The following SUSD5 variants were observed in gnomAD, a reference collection of about 807,000 sequenced individuals.
The protein encoded by SUSD5 is sushi domain-containing protein 5.
SUSD5 carries 33 observed loss-of-function variants against 29.5 expected under a neutral mutation model. That is an observed-to-expected ratio of 1.12 (90% CI 0.85 to 1.49). SUSD5 has a LOEUF of 1.49. Among genes scored for constraint, SUSD5 ranks in the 40% most tolerant of loss-of-function variants. The pLI, the probability that SUSD5 is intolerant of heterozygous loss-of-function variation, is 0.00. For missense variants in SUSD5, 776 were observed against 800.6 expected, an observed-to-expected ratio of 0.97 and a Z score of 0.37; for synonymous variants, 308 against 325.3, an observed-to-expected ratio of 0.95 and a Z score of 0.57.
chr3:33,192,132 G>A (rs2031905619), intron 3 of SUSD5, among the ~76,000 whole-genome samples: 1 of 151,188 alleles, frequency 6.6e-6, no homozygotes, highest in Admixed American at 6.6e-5. Context: ...AGAGTACAGT[G>A]GCATGATCTC....
chr3:33,205,072 A>C (rs2032192797), intron 3 of SUSD5, among the ~76,000 whole-genome samples: 1 of 152,038 alleles, frequency 6.6e-6, no homozygotes. Flanking sequence ...GAACCATTGG[A>C]GAGTAAGTTG....
At chr3:33,215,201 T>A (rs919491008) in intron 1 of SUSD5, among the ~76,000 whole-genome samples, 1 of 151,900 alleles carries the variant, frequency 6.6e-6, no homozygotes, top group African/African-American at 2.4e-5. Context: ...AACAAAAAAA[T>A]CCACAATCCT....
intron 3 of SUSD5, among the ~76,000 whole-genome samples, chr3:33,190,496 G>T (rs903632376): frequency 6.6e-6 from 1 of 151,994 alleles, no homozygotes; most frequent in African/African-American, 2.4e-5. Context: ...AAAATTTATT[G>T]TAAATGACTA....
In SUSD5 at chr3:33,154,016, T is replaced by C. The variant is rs762587686; in HGVS notation, c.616A>G (p.Ile206Val). Residue 206 changes from isoleucine to valine, a missense_variant, in exon 5 of 5, where the codon ATT (isoleucine) becomes GTT (valine). Ile to Val is a conservative substitution (Grantham distance 29, BLOSUM62 3). Transcript: ENST00000309558. ...ACGKDEAEAHIDYEDNFPDDR... is the reference protein window; with the variant it reads ...ACGKDEAEAHVDYEDNFPDDR... ...TCAGGGAAGTTATCTTCATAGTCAA[T>C]GTGTGCCTCAGCCTCATCTGGAAGA... 1.3e-6 allele frequency: 2 copies of C among 1,597,100 alleles called. No homozygotes were observed. Among genetic ancestry groups the C allele is most frequent in the Non-Finnish European group, 8.5e-7 (1 of 1,173,730 alleles).
intron 3 of SUSD5, among the ~76,000 whole-genome samples, chr3:33,193,614 G>T (rs907808510): frequency 3.0e-4 from 46 of 152,066 alleles, no homozygotes; most frequent in African/African-American, 1.0e-3. Context: ...GAGATTACCA[G>T]GCATTTAGAT....
chr3:33,207,150 T>C (rs2032237625), intron 3 of SUSD5, among the ~76,000 whole-genome samples: 1 of 152,248 alleles, frequency 6.6e-6, no homozygotes, highest in Admixed American at 6.5e-5. Context: ...ATTTGGATTT[T>C]CCTTACTGTG....
intron 3 of SUSD5, among the ~76,000 whole-genome samples, chr3:33,190,900 T>C (rs935100461): frequency 5.9e-5 from 9 of 152,124 alleles, no homozygotes; most frequent in African/African-American, 1.2e-4. Flanking sequence ...CTCTCCAAAA[T>C]CATTTAATCT....
At position 33,204,627 on chromosome 3, in the gene SUSD5, ATTTT is replaced by A. The variant is rs2032180918; in HGVS notation, c.409+3177_409+3180del. Among the ~76,000 whole-genome samples the A allele has an allele frequency of 6.8e-6, 1 of 147,832 alleles. No individual in the cohort carries two copies. Among genetic ancestry groups the A allele is most frequent in the Non-Finnish European group, 1.5e-5 (1 of 67,308 alleles). ...TGAGCCACCACACCCGGCCTGTTTTATTTTGTTTTGTTTTGTTTTGTTTTGTTTT... is the reference window on the plus strand; with the variant it reads ...TGAGCCACCACACCCGGCCTGTTTTAGTTTTGTTTTGTTTTGTTTTGTTTT... On this transcript the variant is annotated intron_variant, in intron 3 of 4. Transcript: ENST00000309558. This position sits in a 1 kb window ranked among gnomAD's most constrained non-coding sequence, Gnocchi z 4.5.
At chr3:33,200,013 G>A (rs1341389529) in intron 3 of SUSD5, among the ~76,000 whole-genome samples, 1 of 152,130 alleles carries the variant, frequency 6.6e-6, no homozygotes, top group Non-Finnish European at 1.5e-5. Context: ...CCAGAACTTT[G>A]AGCCAATAAG....
intron 3 of SUSD5, among the ~76,000 whole-genome samples, chr3:33,184,601 T>C (rs2031741201): frequency 6.6e-6 from 1 of 150,610 alleles, no homozygotes; most frequent in Non-Finnish European, 1.5e-5. Context: ...GGATATTCTG[T>C]TCTCTTTTTT....
At chr3:33,200,459 A>C (rs568869111) in intron 3 of SUSD5, among the ~76,000 whole-genome samples, 1 of 152,364 alleles carries the variant, frequency 6.6e-6, no homozygotes, top group East Asian at 1.9e-4. Context: ...AGAATGTTTT[A>C]GGTGCTTCCT....
Position 33,152,983 on chromosome 3 carries a change from C to T in SUSD5, c.1649G>A (p.Gly550Asp). The change falls in exon 5 of 5, where the codon GGT becomes GAT. Residue 550 changes from glycine to aspartate, a missense_variant. By Grantham distance (94) the Gly-to-Asp change is moderately conservative. Transcript: ENST00000309558. The part of the protein sequence containing the change: ...DFFGQEGPGP[G>D]ASEELHPTLE... ...GGTGGGATGAAGCTCCTCACTTGCA[C>T]CTGGCCCGGGGCCTTCCTGTCCAAA... The T allele has an allele frequency of 6.2e-7, 1 of 1,613,946 alleles. No individual in the cohort carries two copies. Among genetic ancestry groups the T allele is most frequent in the Non-Finnish European group, 8.5e-7 (1 of 1,179,852 alleles).
chr3:33,213,376 C>A (rs972174811), intron 2 of SUSD5, among the ~76,000 whole-genome samples: 1 of 140,038 alleles, frequency 7.1e-6, no homozygotes. Context: ...AGCACTCCAG[C>A]CTGGTGGACA....
intron 3 of SUSD5, among the ~76,000 whole-genome samples, chr3:33,197,675 T>C (rs2032020829): frequency 6.6e-6 from 1 of 152,230 alleles, no homozygotes; most frequent in Admixed American, 6.5e-5. Flanking sequence ...TTTCGCTCAC[T>C]GGTAGTTTTA....
In SUSD5 at chr3:33,153,537, G is replaced by A. The variant is rs1164622793; in HGVS notation, c.1095C>T (p.Ser365=). 1 of 1,613,858 alleles carries A rather than the reference G, an allele frequency of 6.2e-7. No homozygotes were observed. The highest frequency in any genetic ancestry group is 2.2e-5 in the East Asian group (1 of 44,872). Residue 365 remains serine (S), a synonymous_variant, in exon 5 of 5, where the codon AGC becomes AGT. Coordinates refer to ENST00000309558, the MANE Select transcript of SUSD5 (RefSeq NM_015551.2). ...DSKAGDPVVS[S]SDESWLDGYP... is the part of the protein sequence containing the mutation. ...AGCCATCTAACCAGGACTCATCACT[G>A]CTGCTCACCACTGGATCTCCTGCCT... is the stretch of plus-strand genomic sequence containing the variant.
intron 3 of SUSD5, among the ~76,000 whole-genome samples, chr3:33,189,498 A>G (rs1432772962): frequency 7.1e-6 from 1 of 140,438 alleles, no homozygotes; most frequent in Non-Finnish European, 1.6e-5. Flanking sequence ...AAAAAAAAAA[A>G]AAAAATTCTA....
intron 4 of SUSD5, among the ~76,000 whole-genome samples, chr3:33,173,301 A>G (rs1435455897): frequency 6.6e-6 from 1 of 152,230 alleles, no homozygotes; most frequent in Non-Finnish European, 1.5e-5. Context: ...AATACTTTAG[A>G]GAACACTTTG....
chr3:33,210,796 A>G (rs1047040052), intron 2 of SUSD5, among the ~76,000 whole-genome samples: 1 of 152,250 alleles, frequency 6.6e-6, no homozygotes, highest in African/African-American at 2.4e-5. Flanking sequence ...GTTTTAAAAA[A>G]TAAATTAAAA....
chr3:33,194,234 A>C (rs886479590), intron 3 of SUSD5, among the ~76,000 whole-genome samples: 1 of 152,174 alleles, frequency 6.6e-6, no homozygotes, highest in South Asian at 2.1e-4. Flanking sequence ...CCCCCTACCC[A>C]TCAAATTATC....
Sources: gnomAD v4.1 joint callset for allele counts (sites outside exome capture counted in the v4.1 genomes callset) on GRCh38, gnomAD v4.1.1 for gene constraint, Gnocchi (gnomAD v3.1) non-coding constraint, MANE v1.5 for transcripts, NCBI Gene and HGNC (gene_info 2026-07-23, HGNC 2026-07-21) for gene names.